Variants in SLC5A10 observed in about 807,000 individuals in gnomAD.
SLC5A10 encodes solute carrier family 5 member 10.
In SLC5A10, 55 loss-of-function variants were observed where a neutral mutation model predicts 68.9. The observed-to-expected ratio is 0.80, with a 90% CI of 0.64 to 1.00. The LOEUF is 1.00. Ranked by LOEUF, SLC5A10 falls within the 50% of genes least tolerant of loss-of-function variation. SLC5A10 has a pLI of 0.00. For synonymous variants in SLC5A10, 344 were observed against 344.8 expected (o/e 1.00, Z 0.02); for missense variants, 732 against 819.3 (o/e 0.89, Z 1.30).
At chr17:18,965,320 T>C (rs1281258302) in intron 5 of SLC5A10, among the ~76,000 whole-genome samples, 3 of 151,904 alleles carry the variant, frequency 2.0e-5, no homozygotes, top group Non-Finnish European at 4.4e-5. Flanking sequence ...TCCATGGAAA[T>C]GGGCAAGGCT....
chr17:19,017,315 C>T lies in SLC5A10; in HGVS notation c.1242-2108C>T, dbSNP rs766219634. ...GATACCCTCAACACCCCCAGCCCCT[C>T]AAAGCCGTCTCAGCTTCCTCCTGCC... On this transcript the variant is annotated intron_variant, in intron 11 of 14. Transcript: ENST00000395645. This position sits in a 1 kb window ranked among gnomAD's most constrained non-coding sequence, Gnocchi z 5.6. 9.1e-5 allele frequency: 142 copies of T among 1,552,016 alleles called. No homozygotes were observed. Among genetic ancestry groups the T allele is most frequent in the Non-Finnish European group, 1.2e-4 (141 of 1,147,094 alleles).
intron 9 of SLC5A10, chr17:18,978,668 G>A (rs749944687): frequency 1.2e-6 from 2 of 1,612,994 alleles, no homozygotes; most frequent in Non-Finnish European, 1.7e-6. Flanking sequence ...GGGCACCAGG[G>A]GGACCACAGA....
At chr17:18,966,150 C>T (rs1455996550) in intron 5 of SLC5A10, among the ~76,000 whole-genome samples, 1 of 152,150 alleles carries the variant, frequency 6.6e-6, no homozygotes, top group Non-Finnish European at 1.5e-5. Flanking sequence ...GGGGGTCCTG[C>T]ATGGGGAGGA....
upstream of SLC5A10, chr17:18,952,006 G>A (rs1194768257): frequency 1.2e-5 from 9 of 765,788 alleles, no homozygotes; most frequent in East Asian, 2.9e-4. Context: ...CCTGCGCTCT[G>A]GGATCTGCAC....
At chr17:19,009,246 C>T (rs1005827726) in intron 9 of SLC5A10, among the ~76,000 whole-genome samples, 8 of 152,112 alleles carry the variant, frequency 5.3e-5, no homozygotes, top group Admixed American at 1.3e-4. Flanking sequence ...GGCTGGAGTG[C>T]AGCGGTGCAA....
intron 1 of SLC5A10, 168 bp downstream of exon 1, chr17:18,952,484 G>C: frequency 1.3e-6 from 1 of 749,386 alleles, no homozygotes; most frequent in Non-Finnish European, 2.1e-6. Context: ...TGGAGACCTT[G>C]ACCAAGCCCG....
At chr17:18,970,517 C>T (rs972515197) in intron 7 of SLC5A10, 1 of 171,008 alleles carries the variant, frequency 5.8e-6, no homozygotes, top group South Asian at 1.4e-4. Context: ...GACCTGTCTC[C>T]CTCTTCTCTG....
At chr17:18,957,146 T>C (rs1720760395) in intron 1 of SLC5A10, among the ~76,000 whole-genome samples, 1 of 151,990 alleles carries the variant, frequency 6.6e-6, no homozygotes, top group African/African-American at 2.4e-5. Flanking sequence ...AGATTCTGTC[T>C]CAAAAAACAA....
intron 7 of SLC5A10, chr17:18,970,811 AT>A: frequency 1.7e-6 from 1 of 592,092 alleles, no homozygotes; most frequent in Non-Finnish European, 3.0e-6. Context: ...TTAAATACGA[AT>A]AAAATAGTCA....
chr17:18,968,152 T>C lies in SLC5A10; in HGVS notation c.454-900T>C, dbSNP rs1301634946. Among the ~76,000 whole-genome samples, 4 of 152,148 alleles carry C rather than the reference T, an allele frequency of 2.6e-5. No homozygotes were observed. ...CTCAAAGGGGCCTGGGGCCTGCACT[T>C]CCTGGGCCTCGTGCAGATGTGTCCC... On this transcript the variant is annotated intron_variant, in intron 5 of 14. Coordinates refer to ENST00000395645, the MANE Select transcript of SLC5A10 (RefSeq NM_001042450.4). This position sits in a 1 kb window ranked among gnomAD's most constrained non-coding sequence, Gnocchi z 4.1.
chr17:18,952,378 A>G, intron 1 of SLC5A10, 62 bp downstream of exon 1: 1 of 1,549,878 alleles, frequency 6.5e-7, no homozygotes, highest in Non-Finnish European at 8.7e-7. Flanking sequence ...TGGGGTGGGA[A>G]CCGGGGTCCA....
At chr17:18,958,091 G>A (rs2042539552) in intron 1 of SLC5A10, among the ~76,000 whole-genome samples, 1 of 152,046 alleles carries the variant, frequency 6.6e-6, no homozygotes, top group South Asian at 2.1e-4. Context: ...TTTTTTTCCA[G>A]ACAGGATTTC....
In SLC5A10 at chr17:19,019,594, G is replaced by A. The variant is rs750523538; in HGVS notation, c.1410+3G>A. 5 of 1,610,548 alleles carry A rather than the reference G, an allele frequency of 3.1e-6. No individual in the cohort carries two copies. The highest frequency in any genetic ancestry group is 3.4e-6 in the Non-Finnish European group (4 of 1,179,692). On this transcript the variant is annotated splice_donor_region_variant and intron_variant, in intron 12 of 14. Transcript: ENST00000395645. ...TCTGGCGACGTGCCAACGAGCAGGTGGGCGTCGGCGGTCTGCTCTCCCTGG... is the reference window on the plus strand; with the variant it reads ...TCTGGCGACGTGCCAACGAGCAGGTAGGCGTCGGCGGTCTGCTCTCCCTGG...
In SLC5A10 at chr17:18,977,556, C is replaced by T. The variant is rs750648871; in HGVS notation, c.982+567C>T. 2.4e-5 allele frequency: 39 copies of T among 1,594,190 alleles called. No homozygotes were observed. In the East Asian group the frequency reaches 4.9e-4, roughly 20 times the overall value. On this transcript the variant is annotated intron_variant, in intron 9 of 14. Transcript: ENST00000395645. The stretch of plus-strand genomic sequence containing the variant: ...GTGGCTGGCAGGGAGGGACTCGTGA[C>T]CCCTGGTGTGCAGGGACCCTGACCC...
chr17:18,983,960 C>T (rs961508871), intron 9 of SLC5A10, among the ~76,000 whole-genome samples: 1 of 152,192 alleles, frequency 6.6e-6, no homozygotes, highest in Non-Finnish European at 1.5e-5. Context: ...TTAACAACAT[C>T]CTTGGCCACT....
chr17:18,951,499 G>A (rs1419423402), upstream of SLC5A10: 1 of 6,478 alleles, frequency 1.5e-4, no homozygotes, highest in African/African-American at 2.0e-3. Flanking sequence ...ATGGTCCTTG[G>A]TGTGTGACAG....
At position 19,000,817 on chromosome 17, in the gene SLC5A10, G is replaced by T. The variant is rs2043712062; in HGVS notation, c.983-12593G>T. Reference sequence around the variant, plus strand: ...GAGGTGATTCATGGGGAGAGATAAGGCAGGGAGCGCTCCCAGGAAGCAGGC... The same window carrying T: ...GAGGTGATTCATGGGGAGAGATAAGTCAGGGAGCGCTCCCAGGAAGCAGGC... On this transcript the variant is annotated intron_variant, in intron 9 of 14. Transcript: ENST00000395645. This position sits in a 1 kb window ranked among gnomAD's most constrained non-coding sequence, Gnocchi z 5.2. Among the ~76,000 whole-genome samples the T allele has an allele frequency of 6.6e-6, 1 of 152,164 alleles. No individual in the cohort carries two copies.
intron 11 of SLC5A10, 61 bp downstream of exon 11, chr17:19,015,260 G>C (rs2044116754): frequency 8.5e-7 from 1 of 1,180,946 alleles, no homozygotes; most frequent in African/African-American, 1.5e-5. Flanking sequence ...CGCCCGCACT[G>C]ACTTTGAGGG....
chr17:18,979,625 C>T (rs780984602), intron 9 of SLC5A10: 3 of 1,613,514 alleles, frequency 1.9e-6, no homozygotes, highest in Admixed American at 3.3e-5. Context: ...AACTTGGTTG[C>T]CGACCGCGTG....
Sources: allele counts gnomAD v4.1 joint callset (sites outside exome capture counted in the v4.1 genomes callset), GRCh38; gene constraint gnomAD v4.1.1; non-coding constraint Gnocchi (gnomAD v3.1); transcripts MANE v1.5; gene names NCBI Gene and HGNC (gene_info 2026-07-23, HGNC 2026-07-21).